The following SUPV3L1 variants were observed in gnomAD, a reference collection of about 807,000 sequenced individuals.
SUPV3L1 encodes the protein ATP-dependent RNA helicase SUPV3L1, mitochondrial.
A neutral mutation model predicts 70.0 loss-of-function variants in SUPV3L1; 35 were observed. The ratio of observed to expected loss-of-function variants is 0.50; its 90% CI spans 0.38 to 0.66. The LOEUF (loss-of-function observed/expected upper bound fraction) is 0.66. Among genes scored for constraint, SUPV3L1 ranks in the 30% least tolerant of loss-of-function variants. The pLI, the probability that SUPV3L1 is intolerant of heterozygous loss-of-function variation, is 0.00. For missense variants in SUPV3L1, 777 were observed against 961.5 expected (o/e 0.81, Z 2.54); for synonymous variants, 364 against 341.9 (o/e 1.06, Z -0.71).
chr10:69,205,531 T>G (rs1235692343), intron 13 of SUPV3L1, among the ~76,000 whole-genome samples: 1 of 152,182 alleles, frequency 6.6e-6, no homozygotes, highest in Non-Finnish European at 1.5e-5. Flanking sequence ...TGCGCCATGA[T>G]GCGTGGTGTG....
chr10:69,181,356 AG>A (rs1842054101), intron 1 of SUPV3L1, among the ~76,000 whole-genome samples: 1 of 152,232 alleles, frequency 6.6e-6, no homozygotes, highest in Non-Finnish European at 1.5e-5. Flanking sequence ...GAATAGGAGG[AG>A]AAATGTCTCA....
At chr10:69,187,020 C>T (rs193080989) in intron 3 of SUPV3L1, among the ~76,000 whole-genome samples, 23 of 152,322 alleles carry the variant, frequency 1.5e-4, no homozygotes, top group Middle Eastern at 3.4e-3. Context: ...GGACATGCCC[C>T]AGCCTCCTCT....
chr10:69,186,093 ATTTT>A, intron 2 of SUPV3L1, 29 bp downstream of exon 2: 1 of 1,586,526 alleles, frequency 6.3e-7, no homozygotes, highest in Non-Finnish European at 8.6e-7. Context: ...TCATAGAGGT[ATTTT>A]ATTACCTCTT....
intron 5 of SUPV3L1, among the ~76,000 whole-genome samples, chr10:69,190,601 C>G (rs184623770): frequency 8.5e-5 from 13 of 152,292 alleles, no homozygotes; most frequent in Admixed American, 8.5e-4. Context: ...AATCTATATT[C>G]AAATTTTATC....
In SUPV3L1 at chr10:69,180,481, T is replaced by C. The variant is rs774482353; in HGVS notation, c.190T>C (p.Phe64Leu). The change falls in exon 1 of 15, where the codon TTC becomes CTC. Residue 64 changes from phenylalanine (F) to leucine (L), a missense_variant. By Grantham distance (22) the Phe-to-Leu change is conservative. Coordinates refer to ENST00000359655, the MANE Select transcript of SUPV3L1 (RefSeq NM_003171.5). ...GGSKIPNTSL[F>L]VPLTVKPQGP... ...CTCCAAAATACCAAACACGTCCTTGTTCGTGCCCCTGACTGTGAAACCTCA... is the reference window on the plus strand; with the variant it reads ...CTCCAAAATACCAAACACGTCCTTGCTCGTGCCCCTGACTGTGAAACCTCA... The C allele has an allele frequency of 2.5e-6, 4 of 1,614,134 alleles. No individual in the cohort carries two copies. In the Admixed American group the frequency reaches 5.0e-5, roughly 20 times the overall value.
intron 13 of SUPV3L1, among the ~76,000 whole-genome samples, chr10:69,203,856 G>C (rs139629280): frequency 0.011 from 1,681 of 151,862 alleles, 25 homozygotes; most frequent in African/African-American, 0.038. Context: ...CTCCCAAGTA[G>C]CTGGGACTAC....
At chr10:69,184,009 G>A (rs1842143362) in intron 1 of SUPV3L1, among the ~76,000 whole-genome samples, 1 of 151,562 alleles carries the variant, frequency 6.6e-6, no homozygotes, top group African/African-American at 2.4e-5. Context: ...CTTTTACTTA[G>A]CATAATGAGA....
At chr10:69,189,587 T>C in intron 5 of SUPV3L1, 152 bp downstream of exon 5, 1 of 698,664 alleles carries the variant, frequency 1.4e-6, no homozygotes. Flanking sequence ...GTACCATTAT[T>C]TTATATACAG....
At chr10:69,189,195 T>C in intron 4 of SUPV3L1, 72 bp from the exon 5 acceptor site, 1 of 1,480,696 alleles carries the variant, frequency 6.8e-7, no homozygotes, top group Non-Finnish European at 9.1e-7. Flanking sequence ...TTGGAATTTG[T>C]TTCATTTGCT....
rs891313790 is a variant in SUPV3L1, at chr10:69,186,444, T to A, written c.351T>A (p.Ala117=). The A allele has an allele frequency of 5.0e-6, 8 of 1,611,858 alleles. No individual in the cohort carries two copies. In the Admixed American group the frequency reaches 6.7e-5, roughly 13 times the overall value. Residue 117 remains alanine, a splice_region_variant and synonymous_variant, in exon 3 of 15, where the codon GCT becomes GCA. Coordinates refer to ENST00000359655, the MANE Select transcript of SUPV3L1 (RefSeq NM_003171.5). ...TCTTTTCATTTTGTGTTTCTACAGC[T>A]CGTCTCTTCCACCAAGCTTTCATAA... The part of the protein sequence containing the change: ...QKLGADYGLD[A]RLFHQAFISF...
chr10:69,208,519 A>G (rs557324336), intron 14 of SUPV3L1, 81 bp from the exon 15 acceptor site: 4 of 1,378,170 alleles, frequency 2.9e-6, no homozygotes, highest in East Asian at 2.3e-5. Flanking sequence ...TATCAATGTC[A>G]TGATGTAGGT....
At chr10:69,200,210 A>C in intron 10 of SUPV3L1, 70 bp from the exon 11 acceptor site, 3 of 1,283,814 alleles carry the variant, frequency 2.3e-6, no homozygotes, top group Non-Finnish European at 3.3e-6. Flanking sequence ...TGGAGTGAGC[A>C]TTATGCAATG....
At chr10:69,207,715 CT>C (rs1450519679) in intron 13 of SUPV3L1, 77 bp from the exon 14 acceptor site, 5 of 1,482,632 alleles carry the variant, frequency 3.4e-6, no homozygotes, top group South Asian at 1.3e-5. Context: ...GTTTTGCTTT[CT>C]TTTTTTTCTC....
rs1730158881 is a variant in SUPV3L1, at chr10:69,198,297, A to G, written c.1024-75A>G. On this transcript the variant is annotated intron_variant, in intron 8 of 14. Coordinates refer to ENST00000359655, the MANE Select transcript of SUPV3L1 (RefSeq NM_003171.5). ...TTTAGCTACTCTTAACTGCATTACA[A>G]TCTTTTCACTTAATTACTAGTCACA... 5.0e-6 allele frequency: 7 copies of G among 1,387,132 alleles called. 1 individual carries two copies. In the Admixed American group the frequency reaches 1.2e-4, roughly 23 times the overall value. 85.9% of individuals were successfully genotyped at this position (1,387,132 alleles called of 1,614,324 possible). A position where few individuals can be genotyped will look rare whatever the true frequency, so the allele number is the denominator to read the frequency against.
At chr10:69,190,224 T>C (rs1285834083) in intron 5 of SUPV3L1, among the ~76,000 whole-genome samples, 1 of 152,194 alleles carries the variant, frequency 6.6e-6, no homozygotes, top group Non-Finnish European at 1.5e-5. Context: ...CTCTATGATA[T>C]TTAATTTACC....
chr10:69,206,010 C>CTGGATGGA (rs57176107), intron 13 of SUPV3L1, among the ~76,000 whole-genome samples: 22 of 150,856 alleles, frequency 1.5e-4, no homozygotes, highest in African/African-American at 2.2e-4. Context: ...GGGCCAGCTG[C>CTGGATGGA]TGGATGGATG....
chr10:69,200,262 C>T lies in SUPV3L1; in HGVS notation c.1299-18C>T, dbSNP rs554372543. ...GTTTTTCATACAGTCTGCAGGATCA[C>T]TTTTATTTCTGTTTCAGGAGCATAA... On this transcript the variant is annotated intron_variant, in intron 10 of 14. Coordinates refer to ENST00000359655, the MANE Select transcript of SUPV3L1 (RefSeq NM_003171.5). 6 of 1,605,990 alleles carry T rather than the reference C, an allele frequency of 3.7e-6. No individual in the cohort carries two copies. Among genetic ancestry groups the T allele is most frequent in the Non-Finnish European group, 5.1e-6 (6 of 1,173,986 alleles).
chr10:69,185,830 G>A (rs546342446), intron 1 of SUPV3L1, among the ~76,000 whole-genome samples, 157 bp from the exon 2 acceptor site: 2 of 151,988 alleles, frequency 1.3e-5, no homozygotes, highest in Admixed American at 1.3e-4. Context: ...CACTCCCATC[G>A]CATATGAATT....
chr10:69,207,330 G>A (rs959324305), intron 13 of SUPV3L1, among the ~76,000 whole-genome samples: 2 of 151,792 alleles, frequency 1.3e-5, no homozygotes, highest in Non-Finnish European at 2.9e-5. Flanking sequence ...ATCTTTTTTT[G>A]TTTTTTCTTT....
Sources: allele counts gnomAD v4.1 joint callset (sites outside exome capture counted in the v4.1 genomes callset), GRCh38; gene constraint gnomAD v4.1.1; transcripts MANE v1.5; gene names NCBI Gene and HGNC (gene_info 2026-07-23, HGNC 2026-07-21).